The following KCNU1 variants were observed in gnomAD, a reference collection of about 807,000 sequenced individuals.
KCNU1 encodes potassium calcium-activated channel subfamily U member 1.
KCNU1 carries 93 observed loss-of-function variants against 126.8 expected under a neutral mutation model. That is an observed-to-expected ratio of 0.73 (90% CI 0.62 to 0.87). The LOEUF (loss-of-function observed/expected upper bound fraction) is 0.87. Among genes scored for constraint, KCNU1 ranks in the 40% least tolerant of loss-of-function variants. The pLI is 0.00. For missense variants in KCNU1, 1,330 were observed against 1,367.1 expected (o/e 0.97, Z 0.43); for synonymous variants, 523 against 494.2 (o/e 1.06, Z -0.77).
chr8:36,858,252 A>T (rs1455366372), intron 18 of KCNU1, among the ~76,000 whole-genome samples: 1 of 149,102 alleles, frequency 6.7e-6, no homozygotes, highest in East Asian at 2.0e-4. Context: ...TGAAATCCCT[A>T]TTTCTACAGG....
intron 24 of KCNU1, among the ~76,000 whole-genome samples, chr8:36,928,461 C>T (rs957628785): frequency 2.0e-5 from 3 of 152,000 alleles, no homozygotes; most frequent in African/African-American, 4.8e-5. Flanking sequence ...CCATAAGCAC[C>T]CTCCCAGGTG....
At chr8:36,871,577 T>G (rs1380495792) in intron 19 of KCNU1, among the ~76,000 whole-genome samples, 1 of 152,196 alleles carries the variant, frequency 6.6e-6, no homozygotes, top group Non-Finnish European at 1.5e-5. Context: ...AGCATCTCTC[T>G]TCGTTACTGT....
At chr8:36,882,957 C>T (rs1273358191) in intron 19 of KCNU1, among the ~76,000 whole-genome samples, 1 of 152,190 alleles carries the variant, frequency 6.6e-6, no homozygotes, top group Non-Finnish European at 1.5e-5. Flanking sequence ...TCTTCTCCTT[C>T]CCTTCCTTTT....
chr8:36,848,915 A>C (rs1355335596), intron 18 of KCNU1, among the ~76,000 whole-genome samples: 1 of 152,164 alleles, frequency 6.6e-6, no homozygotes, highest in Non-Finnish European at 1.5e-5. Context: ...GTTCTTTCTC[A>C]GAGATCAGGC....
intron 10 of KCNU1, among the ~76,000 whole-genome samples, chr8:36,830,847 C>T (rs898617115): frequency 6.0e-5 from 9 of 151,244 alleles, no homozygotes; most frequent in African/African-American, 1.9e-4. Flanking sequence ...CATGCTGGTG[C>T]GCTGCACCCA....
intron 18 of KCNU1, among the ~76,000 whole-genome samples, chr8:36,861,461 G>A (rs991203243): frequency 6.6e-6 from 1 of 152,192 alleles, no homozygotes; most frequent in South Asian, 2.1e-4. Context: ...AATTTTTATG[G>A]CATTCTGATC....
At chr8:36,928,230 C>T (rs1808591983) in intron 24 of KCNU1, among the ~76,000 whole-genome samples, 1 of 152,102 alleles carries the variant, frequency 6.6e-6, no homozygotes, top group Non-Finnish European at 1.5e-5. Context: ...AAAGCTAAGC[C>T]TCTCTCAGTT....
At chr8:36,878,314 G>A (rs940613349) in intron 19 of KCNU1, among the ~76,000 whole-genome samples, 1 of 152,168 alleles carries the variant, frequency 6.6e-6, no homozygotes, top group African/African-American at 2.4e-5. Context: ...CTGGAACCAG[G>A]AATGGGAAAT....
chr8:36,805,465 C>T (rs956438977), intron 4 of KCNU1, among the ~76,000 whole-genome samples, 180 bp downstream of exon 4: 32 of 152,264 alleles, frequency 2.1e-4, no homozygotes, highest in South Asian at 4.2e-4. Flanking sequence ...GCACGTGAAA[C>T]GCTAAACCAG....
Position 36,794,387 on chromosome 8 carries a change from T to C in KCNU1, c.315+6962T>C, listed in dbSNP as rs1265984953. Among the ~76,000 whole-genome samples, 3 of 152,220 alleles carry C rather than the reference T, an allele frequency of 2.0e-5. No individual in the cohort carries two copies. The East Asian group carries it at 5.8e-4, about 29-fold the overall frequency. ...AAAAAGTAGCTTTATTCATTAATTC[T>C]ACATACATAAATATATATATAACTC... On this transcript the variant is annotated intron_variant, in intron 2 of 26. Coordinates refer to ENST00000399881, the MANE Select transcript of KCNU1 (RefSeq NM_001031836.3).
chr8:36,834,600 G>A (rs1427595592), intron 11 of KCNU1, among the ~76,000 whole-genome samples, 186 bp from the exon 12 acceptor site: 1 of 152,164 alleles, frequency 6.6e-6, no homozygotes, highest in Non-Finnish European at 1.5e-5. Flanking sequence ...TGCAACCCTT[G>A]CCCTTTGCAG....
At chr8:36,841,102 TAACTAAGC>T in intron 16 of KCNU1, 99 bp downstream of exon 16, 1 of 808,438 alleles carries the variant, frequency 1.2e-6, no homozygotes. Flanking sequence ...GATGCAGCTA[TAACTAAGC>T]TTTTTCCCTT....
At chr8:36,862,406 A>C (rs1384915337) in intron 18 of KCNU1, among the ~76,000 whole-genome samples, 2 of 152,144 alleles carry the variant, frequency 1.3e-5, no homozygotes. Flanking sequence ...TGGTAAATAA[A>C]CAATTTTCAA....
chr8:36,908,933 CT>C (rs1356182779), intron 20 of KCNU1, among the ~76,000 whole-genome samples: 1 of 152,096 alleles, frequency 6.6e-6, no homozygotes, highest in Non-Finnish European at 1.5e-5. Context: ...ATGTCTTAGG[CT>C]TTCACTGAAT....
intron 18 of KCNU1, among the ~76,000 whole-genome samples, chr8:36,852,129 A>T (rs1320194925): frequency 6.6e-6 from 1 of 152,072 alleles, no homozygotes; most frequent in African/African-American, 2.4e-5. Flanking sequence ...TGAGATAATT[A>T]TGTGGTTTTT....
chr8:36,934,346 A>G (rs899569481), intron 26 of KCNU1, among the ~76,000 whole-genome samples: 7 of 152,110 alleles, frequency 4.6e-5, no homozygotes, highest in Non-Finnish European at 2.9e-5. Flanking sequence ...CAAAATAAGC[A>G]TCGAGGTCTA....
chr8:36,917,241 G>A (rs1366864599), intron 22 of KCNU1, among the ~76,000 whole-genome samples: 2 of 152,024 alleles, frequency 1.3e-5, no homozygotes, highest in Non-Finnish European at 2.9e-5. Context: ...TACATCCTCA[G>A]AAAACTTTAA....
At chr8:36,901,140 T>C (rs1262398312) in intron 19 of KCNU1, among the ~76,000 whole-genome samples, 1 of 152,122 alleles carries the variant, frequency 6.6e-6, no homozygotes, top group African/African-American at 2.4e-5. Context: ...GAAGATCTCA[T>C]TTTTTGGCAG....
intron 19 of KCNU1, among the ~76,000 whole-genome samples, chr8:36,880,410 T>C (rs1806432781): frequency 6.6e-6 from 1 of 152,168 alleles, no homozygotes; most frequent in Non-Finnish European, 1.5e-5. Context: ...CAATCCCTTT[T>C]TATGTTGCAT....
Sources: gnomAD v4.1 joint callset for allele counts (sites outside exome capture counted in the v4.1 genomes callset) on GRCh38, gnomAD v4.1.1 for gene constraint, MANE v1.5 for transcripts, NCBI Gene and HGNC (gene_info 2026-07-23, HGNC 2026-07-21) for gene names.